The following NKAIN2 variants were observed in gnomAD, a reference collection of about 807,000 sequenced individuals.
NKAIN2 encodes sodium/potassium-transporting ATPase subunit beta-1-interacting protein 2.
NKAIN2 carries 14 observed loss-of-function variants against 32.6 expected under a neutral mutation model. The observed-to-expected ratio is 0.43, with a 90% CI of 0.28 to 0.67. The LOEUF is 0.67. Ranked by LOEUF, NKAIN2 falls within the 30% of genes least tolerant of loss-of-function variation. The probability of loss-of-function intolerance (pLI) is 0.17; values close to 1 mark genes in which losing one functional copy is unlikely to be tolerated. For synonymous variants in NKAIN2, 80 were observed against 87.2 expected, an observed-to-expected ratio of 0.92 and a Z score of 0.46; for missense variants, 198 against 258.3, an observed-to-expected ratio of 0.77 and a Z score of 1.60.
At chr6:124,025,119 A>T (rs1336301476) in intron 1 of NKAIN2, among the ~76,000 whole-genome samples, 6 of 152,202 alleles carry the variant, frequency 3.9e-5, no homozygotes, top group Non-Finnish European at 8.8e-5. Context: ...GAAGATCTAG[A>T]GTACAGGGAA....
chr6:124,706,315 C>G (rs1233789251), intron 4 of NKAIN2, among the ~76,000 whole-genome samples: 1 of 152,040 alleles, frequency 6.6e-6, no homozygotes, highest in East Asian at 1.9e-4. Context: ...GAGCCTTAGG[C>G]AGGTCCTTAG....
At chr6:124,438,262 A>G (rs1775544845) in intron 3 of NKAIN2, among the ~76,000 whole-genome samples, 1 of 151,428 alleles carries the variant, frequency 6.6e-6, no homozygotes, top group East Asian at 1.9e-4. Context: ...CTGCTTCTAT[A>G]ATGTTTTTTT....
At chr6:124,716,327 A>T (rs1360065909) in intron 4 of NKAIN2, among the ~76,000 whole-genome samples, 1 of 152,200 alleles carries the variant, frequency 6.6e-6, no homozygotes, top group East Asian at 1.9e-4. Flanking sequence ...CTCTATGGGA[A>T]CACCCATGGA....
chr6:124,412,392 A>G (rs1045944192), intron 3 of NKAIN2, among the ~76,000 whole-genome samples: 22 of 152,280 alleles, frequency 1.4e-4, no homozygotes, highest in Non-Finnish European at 2.2e-4. Flanking sequence ...TCCGTCTGAC[A>G]GTCAGGACTC....
intron 1 of NKAIN2, among the ~76,000 whole-genome samples, chr6:124,063,837 T>A (rs917709348): frequency 6.6e-6 from 1 of 152,166 alleles, no homozygotes; most frequent in African/African-American, 2.4e-5. Flanking sequence ...TTGAGCAGTA[T>A]TATAAACTGT....
chr6:124,173,413 G>C (rs1049446827), intron 1 of NKAIN2, among the ~76,000 whole-genome samples: 1 of 152,080 alleles, frequency 6.6e-6, no homozygotes, highest in Non-Finnish European at 1.5e-5. Flanking sequence ...TTTCAGTAAT[G>C]AAGTGAGATA....
rs118044221 is a variant in NKAIN2, at chr6:123,834,015, C to T, written c.54+29761C>T. Among the ~76,000 whole-genome samples the T allele has an allele frequency of 1.3e-3, 193 of 152,014 alleles. 2 individuals carry two copies. The East Asian group carries it at 0.028, about 22-fold the overall frequency. Reference sequence around the variant, plus strand: ...TCCTGGGATTACAGGTTTGAGCCACCGCGCCTGGCCAGTATTGTGTTTTTA... The same window carrying T: ...TCCTGGGATTACAGGTTTGAGCCACTGCGCCTGGCCAGTATTGTGTTTTTA... On this transcript the variant is annotated intron_variant, in intron 1 of 6. Transcript: ENST00000368417.
chr6:124,580,503 C>T (rs1446476572), intron 3 of NKAIN2, among the ~76,000 whole-genome samples: 1 of 151,948 alleles, frequency 6.6e-6, no homozygotes, highest in East Asian at 1.9e-4. Flanking sequence ...AATCAAAAAA[C>T]ATACAACAGA....
intron 1 of NKAIN2, among the ~76,000 whole-genome samples, chr6:124,189,276 A>G (rs1789898455): frequency 2.0e-5 from 3 of 152,210 alleles, no homozygotes; most frequent in Admixed American, 2.0e-4. Flanking sequence ...TTGAGCTCTT[A>G]ACCAGCACAA....
intron 1 of NKAIN2, among the ~76,000 whole-genome samples, chr6:123,861,230 T>C (rs1775775183): frequency 6.6e-6 from 1 of 152,184 alleles, no homozygotes; most frequent in African/African-American, 2.4e-5. Context: ...CAAAAGAGGC[T>C]AAGTAAATGT....
intron 5 of NKAIN2, among the ~76,000 whole-genome samples, chr6:124,795,675 C>T (rs778258188): frequency 2.6e-4 from 39 of 152,068 alleles, no homozygotes; most frequent in Admixed American, 6.5e-4. Flanking sequence ...ATCAAGGTAC[C>T]GGCAGATATG....
chr6:124,801,842 T>C lies in NKAIN2; in HGVS notation c.535+10443T>C, dbSNP rs114726437. ...CTAAGGGATAAATTAGAGGACTATG[T>C]AGAACTTAACAAAGACAGGCACGCC... On this transcript the variant is annotated intron_variant, in intron 5 of 6. Transcript: ENST00000368417. Among the ~76,000 whole-genome samples, 808 of 152,320 alleles carry C rather than the reference T, an allele frequency of 5.3e-3. 6 individuals carry two copies. The highest frequency in any genetic ancestry group is 0.019 in the African/African-American group (782 of 41,572).
At chr6:123,976,368 T>TATATATATATA (rs1562287697) in intron 1 of NKAIN2, among the ~76,000 whole-genome samples, 1 of 13,052 alleles carries the variant, frequency 7.7e-5, no homozygotes, top group Non-Finnish European at 1.6e-4. Context: ...TATATATATA[T>TATATATATATA]TCCCATATAT....
At chr6:124,195,960 AATAC>A (rs1790294095) in intron 1 of NKAIN2, among the ~76,000 whole-genome samples, 1 of 151,974 alleles carries the variant, frequency 6.6e-6, no homozygotes, top group Admixed American at 6.6e-5. Context: ...AATTTTCTCT[AATAC>A]ATACATTTAA....
intron 3 of NKAIN2, among the ~76,000 whole-genome samples, chr6:124,438,513 A>G (rs1050889350): frequency 9.2e-5 from 14 of 152,168 alleles, no homozygotes; most frequent in African/African-American, 2.7e-4. Context: ...AGAGATAGAT[A>G]CAGAAAAGAA....
intron 1 of NKAIN2, among the ~76,000 whole-genome samples, chr6:124,113,143 T>G (rs1056913384): frequency 2.5e-4 from 38 of 152,222 alleles, no homozygotes; most frequent in African/African-American, 8.4e-4. Context: ...CAGTCTTTAC[T>G]GACTTGACTT....
At chr6:124,540,901 A>G (rs1028496295) in intron 3 of NKAIN2, among the ~76,000 whole-genome samples, 2 of 152,204 alleles carry the variant, frequency 1.3e-5, no homozygotes, top group Admixed American at 6.5e-5. Flanking sequence ...AGGCTAAACT[A>G]TGGTGTTTGG....
intron 1 of NKAIN2, among the ~76,000 whole-genome samples, chr6:124,009,957 G>A (rs931278490): frequency 6.6e-6 from 1 of 152,108 alleles, no homozygotes; most frequent in African/African-American, 2.4e-5. Context: ...GTGTGTGTAT[G>A]TATGTATAAA....
intron 5 of NKAIN2, among the ~76,000 whole-genome samples, chr6:124,799,001 T>G (rs1157384534): frequency 6.6e-6 from 1 of 152,184 alleles, no homozygotes; most frequent in Non-Finnish European, 1.5e-5. Context: ...TCCTTGACCT[T>G]TATGGAAACT....
Sources: gnomAD v4.1 joint callset for allele counts (sites outside exome capture counted in the v4.1 genomes callset) on GRCh38, gnomAD v4.1.1 for gene constraint, MANE v1.5 for transcripts, NCBI Gene and HGNC (gene_info 2026-07-23, HGNC 2026-07-21) for gene names.